The following CHRDL2 variants were observed in gnomAD, a reference collection of about 807,000 sequenced individuals.
CHRDL2 encodes the protein chordin like 2.
CHRDL2 carries 41 observed loss-of-function variants against 54.3 expected under a neutral mutation model. The observed-to-expected ratio is 0.76, with a 90% confidence interval of 0.59 to 0.98. The LOEUF (loss-of-function observed/expected upper bound fraction) is 0.98. Ranked by LOEUF, CHRDL2 falls within the 50% of genes least tolerant of loss-of-function variation. The probability of loss-of-function intolerance (pLI) is 0.00; values close to 1 mark genes in which losing one functional copy is unlikely to be tolerated. For synonymous variants in CHRDL2, 220 were observed against 224.3 expected (o/e 0.98, Z 0.17); for missense variants, 518 against 562.4 (o/e 0.92, Z 0.80).
intron 4 of CHRDL2, among the ~76,000 whole-genome samples, chr11:74,710,464 C>A (rs754169366): frequency 7.9e-5 from 12 of 152,190 alleles, no homozygotes; most frequent in Non-Finnish European, 1.6e-4. Flanking sequence ...GATAATCTGG[C>A]CCTGTCTCTG....
At chr11:74,718,420 G>A (rs958268456) in intron 2 of CHRDL2, among the ~76,000 whole-genome samples, 23 of 152,344 alleles carry the variant, frequency 1.5e-4, no homozygotes, top group South Asian at 1.2e-3. Flanking sequence ...CTTGGGCTGC[G>A]TGGGAGGCAG....
intron 3 of CHRDL2, among the ~76,000 whole-genome samples, chr11:74,711,891 C>T (rs991061412): frequency 2.0e-5 from 3 of 151,838 alleles, no homozygotes; most frequent in Non-Finnish European, 4.4e-5. Context: ...CTCACTGCAA[C>T]CTCCACCTCC....
chr11:74,722,060 G>C (rs1441218312), intron 1 of CHRDL2, among the ~76,000 whole-genome samples: 2 of 152,136 alleles, frequency 1.3e-5, no homozygotes, highest in African/African-American at 2.4e-5. Flanking sequence ...GCTCTCAGAG[G>C]CTCCAAAGTG....
intron 7 of CHRDL2, 34 bp from the exon 8 acceptor site, chr11:74,703,533 G>A (rs1483567078): frequency 3.3e-6 from 5 of 1,519,620 alleles, no homozygotes; most frequent in Non-Finnish European, 8.9e-7. Context: ...AGGAGGATCA[G>A]GGCCTCAGAC....
intron 2 of CHRDL2, among the ~76,000 whole-genome samples, chr11:74,713,880 A>G (rs1453549285): frequency 6.6e-6 from 1 of 152,348 alleles, no homozygotes; most frequent in South Asian, 2.1e-4. Context: ...ACATGAGGAC[A>G]GGTGACTGGG....
chr11:74,712,824 C>T lies in CHRDL2; in HGVS notation c.289+562G>A, dbSNP rs1341018832. Among the ~76,000 whole-genome samples the T allele has an allele frequency of 8.5e-5, 13 of 152,306 alleles. No individual in the cohort carries two copies. In the East Asian group the frequency reaches 2.3e-3, roughly 27 times the overall value. On this transcript the variant is annotated intron_variant, in intron 3 of 10. Transcript: ENST00000376332. Reference sequence around the variant, plus strand: ...TTTCTTCCTAGACCACCTCTCCTTTCTCTGACTTCTTCTTCCTAGAATCTT... The same window carrying T: ...TTTCTTCCTAGACCACCTCTCCTTTTTCTGACTTCTTCTTCCTAGAATCTT...
chr11:74,702,870 T>A lies in CHRDL2; in HGVS notation c.1044A>T (p.Pro348=), dbSNP rs764413801. ...VLVHTSVSPS[P]DNLRRFALEH... ...CCAGGGCAAAGCGACGCAGGTTGTC[T>A]GGGCTTGGGGATACCGATGTGTGGA... The change falls in exon 9 of 11, where the codon CCA becomes CCT. Residue 348 remains proline (P), a synonymous_variant. Coordinates refer to ENST00000376332, the MANE Select transcript of CHRDL2 (RefSeq NM_001278473.3). 1.9e-6 allele frequency: 3 copies of A among 1,614,072 alleles called. No individual in the cohort carries two copies. The highest frequency in any genetic ancestry group is 2.7e-5 in the African/African-American group (2 of 74,928).
Position 74,719,381 on chromosome 11 carries a change from TACACACAC to T in CHRDL2, c.83-557_83-550del, listed in dbSNP as rs5792667. The T allele has an allele frequency of 0.013, 1,009 of 76,486 alleles. 25 individuals carry two copies. The East Asian group carries it at 0.14, about 11-fold the overall frequency. The allele number at this position is 76,486 out of a possible 1,614,324, so 4.7% of individuals were successfully genotyped here. On this transcript the variant is annotated intron_variant, in intron 1 of 10. Coordinates refer to ENST00000376332, the MANE Select transcript of CHRDL2 (RefSeq NM_001278473.3). ...TCTCCTCTCCCATCCCCCTCCCCTGTACACACACACACACACACACACACACACACACA... is the reference window on the plus strand; with the variant it reads ...TCTCCTCTCCCATCCCCCTCCCCTGTACACACACACACACACACACACACA...
Position 74,718,781 on chromosome 11 carries a change from C to G in CHRDL2, c.134G>C (p.Ser45Thr). Residue 45 changes from serine (S) to threonine (T), a missense_variant, in exon 2 of 11, where the codon AGC becomes ACC. Transcript: ENST00000376332. ...TTGTGGCTCCAAGTAGGGGTGCCAG[C>G]TCTCGCCGGGGGAGTATCTCTTCCC... ...FHGKRYSPGESWHPYLEPQGL... is the reference protein window; with the variant it reads ...FHGKRYSPGETWHPYLEPQGL... 6.2e-7 allele frequency: 1 copy of G among 1,613,758 alleles called. No homozygotes were observed. Among genetic ancestry groups the G allele is most frequent in the Non-Finnish European group, 8.5e-7 (1 of 1,179,870 alleles).
chr11:74,729,571 C>T lies in CHRDL2; in HGVS notation c.82+1236G>A, dbSNP rs141639207. ...ATGCTGCTGGCAGGCCAGAGACACT[C>T]AGCCTGCTCTCATGAGCAGAAACAA... is the stretch of plus-strand genomic sequence containing the variant. On this transcript the variant is annotated intron_variant, in intron 1 of 10. Transcript: ENST00000376332. Among the ~76,000 whole-genome samples, 726 of 152,354 alleles carry T rather than the reference C, an allele frequency of 4.8e-3. 5 individuals carry two copies. The highest frequency in any genetic ancestry group is 0.017 in the African/African-American group (694 of 41,586).
At chr11:74,727,637 T>G (rs1434983986) in intron 1 of CHRDL2, among the ~76,000 whole-genome samples, 1 of 151,936 alleles carries the variant, frequency 6.6e-6, no homozygotes, top group Admixed American at 6.6e-5. Flanking sequence ...ACTCCTGGGC[T>G]CAAGTAATCC....
At chr11:74,728,442 G>C (rs944312086) in intron 1 of CHRDL2, among the ~76,000 whole-genome samples, 1 of 152,178 alleles carries the variant, frequency 6.6e-6, no homozygotes, top group Admixed American at 6.5e-5. Context: ...CAAACAAAAT[G>C]AGGCTCAGAT....
At chr11:74,696,844 C>T (rs2033611462) in intron 10 of CHRDL2, among the ~76,000 whole-genome samples, 1 of 152,184 alleles carries the variant, frequency 6.6e-6, no homozygotes, top group South Asian at 2.1e-4. Context: ...ACCTCCCCTC[C>T]CCGACCTGAA....
rs745672472 is a variant in CHRDL2, at chr11:74,710,803, G to A, written c.432+46C>T. 2.5e-6 allele frequency: 4 copies of A among 1,598,594 alleles called. No homozygotes were observed. In the Admixed American group the frequency reaches 6.8e-5, roughly 27 times the overall value. On this transcript the variant is annotated intron_variant, in intron 4 of 10. Coordinates refer to ENST00000376332, the MANE Select transcript of CHRDL2 (RefSeq NM_001278473.3). ...AGTCCAGGCTACTATGTTCTTTGCA[G>A]GCCCAGAGCGCTGGCCTGTGCTGAA...
chr11:74,702,940 T>A lies in CHRDL2; in HGVS notation c.974A>T (p.Glu325Val). The change falls in exon 9 of 11, where the codon GAG (glutamate) becomes GTG (valine). Residue 325 changes from glutamate (E) to valine (V), a missense_variant. Coordinates refer to ENST00000376332, the MANE Select transcript of CHRDL2 (RefSeq NM_001278473.3). ...CTTGGGACACCTGGTAGAACTGATC[T>A]CACTGTGGCCAGGGTCTGCTTTGTC... ...PEDKADPGHS[E>V]ISSTRCPKAP... is the part of the protein sequence containing the mutation. The A allele has an allele frequency of 1.2e-6, 2 of 1,613,774 alleles. No homozygotes were observed. The highest frequency in any genetic ancestry group is 1.7e-6 in the Non-Finnish European group (2 of 1,179,780).
intron 2 of CHRDL2, among the ~76,000 whole-genome samples, chr11:74,714,983 G>A (rs190943716): frequency 1.3e-5 from 2 of 152,286 alleles, no homozygotes; most frequent in African/African-American, 4.8e-5. Flanking sequence ...GGGCCTTTAC[G>A]TTATATAAAA....
At chr11:74,709,742 T>C (rs1036717933) in intron 4 of CHRDL2, among the ~76,000 whole-genome samples, 6 of 152,174 alleles carry the variant, frequency 3.9e-5, no homozygotes, top group African/African-American at 1.4e-4. Flanking sequence ...GGGACAGTGC[T>C]GGAGATCAAA....
At chr11:74,702,676 G>A (rs1591350658) in intron 9 of CHRDL2, 118 bp downstream of exon 9, 3 of 977,936 alleles carry the variant, frequency 3.1e-6, no homozygotes, top group Non-Finnish European at 4.7e-6. Flanking sequence ...TCTTAAACCT[G>A]GCGGGGCAGC....
rs747198813 is a variant in CHRDL2 at position 74,711,018 on chromosome 11, G to A, written c.290-27C>T. ...TGCAGTGGGGGAGGGGCAGGAGGAA[G>A]AAGAAAATGAGGTTTCATGTGAATC... On this transcript the variant is annotated intron_variant, in intron 3 of 10. Transcript: ENST00000376332. The A allele has an allele frequency of 1.2e-5, 19 of 1,594,064 alleles. No individual in the cohort carries two copies. In the East Asian group the frequency reaches 1.8e-4, roughly 15 times the overall value.
Sources: allele counts gnomAD v4.1 joint callset (sites outside exome capture counted in the v4.1 genomes callset), GRCh38; gene constraint gnomAD v4.1.1; transcripts MANE v1.5; gene names NCBI Gene and HGNC (gene_info 2026-07-23, HGNC 2026-07-21).